WWOX: variants seen among roughly 807,000 people sequenced by gnomAD.
WWOX encodes the protein WW domain-containing oxidoreductase.
WWOX carries 69 observed loss-of-function variants against 46.2 expected under a neutral mutation model. The observed-to-expected ratio is 1.49, with a 90% CI of 1.23 to 1.82. The LOEUF (loss-of-function observed/expected upper bound fraction) is 1.82. WWOX is among the 40% of genes most tolerant of loss of function. The probability of loss-of-function intolerance (pLI) is 0.00; values close to 1 mark genes in which losing one functional copy is unlikely to be tolerated. For missense variants in WWOX, 919 were observed against 542.6 expected (o/e 1.69, Z -6.89); for synonymous variants, 359 against 202.6 (o/e 1.77, Z -6.56).
intron 8 of WWOX, among the ~76,000 whole-genome samples, chr16:78,477,801 A>G (rs2084388160): frequency 6.6e-6 from 1 of 152,188 alleles, no homozygotes; most frequent in African/African-American, 2.4e-5. Flanking sequence ...ATTCAAGTCA[A>G]ACACATTAAA....
chr16:78,859,116 TGAA>T (rs2052656391), intron 8 of WWOX, among the ~76,000 whole-genome samples: 1 of 142,794 alleles, frequency 7.0e-6, no homozygotes, highest in East Asian at 2.1e-4. Context: ...CTATAATCGA[TGAA>T]GTGGCTCCTT....
At chr16:78,889,674 T>G (rs955869928) in intron 8 of WWOX, among the ~76,000 whole-genome samples, 3 of 152,266 alleles carry the variant, frequency 2.0e-5, no homozygotes, top group East Asian at 3.9e-4. Context: ...TGAGAATATT[T>G]GTGAGCAAAC....
At chr16:79,060,422 C>T (rs12103168) in intron 8 of WWOX, among the ~76,000 whole-genome samples, 9,386 of 152,248 alleles carry the variant, frequency 0.062, 534 homozygotes, top group African/African-American at 0.15. Flanking sequence ...CATGGATGCC[C>T]GTGCTTTCTG....
At chr16:78,823,312 G>A (rs994953057) in intron 8 of WWOX, among the ~76,000 whole-genome samples, 1 of 152,206 alleles carries the variant, frequency 6.6e-6, no homozygotes, top group Non-Finnish European at 1.5e-5. Flanking sequence ...GAAGAGAGGA[G>A]TTGATGATCA....
chr16:78,958,385 T>A (rs762385549), intron 8 of WWOX, among the ~76,000 whole-genome samples: 17 of 152,220 alleles, frequency 1.1e-4, no homozygotes, highest in Admixed American at 3.3e-4. Flanking sequence ...CATGGAAATA[T>A]ATACTTACTG....
chr16:78,771,179 T>C (rs990327704), intron 8 of WWOX, among the ~76,000 whole-genome samples: 3 of 152,136 alleles, frequency 2.0e-5, no homozygotes, highest in African/African-American at 7.2e-5. Flanking sequence ...ATTTGGATAG[T>C]CTTGAACACA....
chr16:79,201,908 G>T (rs74038820), intron 8 of WWOX, among the ~76,000 whole-genome samples: 4 of 151,270 alleles, frequency 2.6e-5, no homozygotes, highest in Non-Finnish European at 5.9e-5. Flanking sequence ...GGAAAAAGAA[G>T]AATTTTCATT....
chr16:79,128,257 A>C (rs910648352), intron 8 of WWOX, among the ~76,000 whole-genome samples: 2 of 152,188 alleles, frequency 1.3e-5, no homozygotes, highest in African/African-American at 4.8e-5. Flanking sequence ...CCATTGGAGA[A>C]ATCTTTCCTA....
chr16:78,642,675 C>T (rs986177157), intron 8 of WWOX, among the ~76,000 whole-genome samples: 3 of 152,072 alleles, frequency 2.0e-5, no homozygotes, highest in African/African-American at 7.2e-5. Flanking sequence ...TCTTTGGTGT[C>T]CATGGCAGTT....
intron 8 of WWOX, among the ~76,000 whole-genome samples, chr16:79,120,035 G>C (rs971928401): frequency 6.6e-6 from 1 of 152,154 alleles, no homozygotes; most frequent in African/African-American, 2.4e-5. Flanking sequence ...GCCGTGGCCT[G>C]GGCAGGGAAA....
At chr16:78,967,696 C>G (rs1030037734) in intron 8 of WWOX, among the ~76,000 whole-genome samples, 1 of 151,988 alleles carries the variant, frequency 6.6e-6, no homozygotes. Flanking sequence ...GTGTTAGGTT[C>G]CCACAGGATG....
At chr16:78,839,712 A>G (rs1387781781) in intron 8 of WWOX, among the ~76,000 whole-genome samples, 1 of 152,144 alleles carries the variant, frequency 6.6e-6, no homozygotes, top group African/African-American at 2.4e-5. Context: ...TGGAAAATAC[A>G]TCCCTGGTGA....
At chr16:78,568,898 T>A (rs2151570094) in intron 8 of WWOX, among the ~76,000 whole-genome samples, 1 of 152,362 alleles carries the variant, frequency 6.6e-6, no homozygotes, top group Admixed American at 6.5e-5. Flanking sequence ...TAGATGCATC[T>A]AATAATCCTA....
intron 8 of WWOX, among the ~76,000 whole-genome samples, chr16:78,970,710 T>G (rs781101268): frequency 8.5e-5 from 13 of 152,134 alleles, no homozygotes; most frequent in Non-Finnish European, 1.9e-4. Context: ...GGAGGAGCCA[T>G]GTGTAGAACT....
At chr16:78,909,790 G>A (rs949977248) in intron 8 of WWOX, among the ~76,000 whole-genome samples, 4 of 152,320 alleles carry the variant, frequency 2.6e-5, no homozygotes, top group East Asian at 1.9e-4. Flanking sequence ...AATGTAGAGG[G>A]TCAGGAAAAC....
intron 5 of WWOX, among the ~76,000 whole-genome samples, chr16:78,227,889 A>G (rs1367776061): frequency 6.6e-6 from 1 of 152,048 alleles, no homozygotes; most frequent in East Asian, 1.9e-4. Flanking sequence ...AAACAAACAA[A>G]AAGAAACATA....
At chr16:78,326,511 A>C (rs2151888143) in intron 5 of WWOX, among the ~76,000 whole-genome samples, 1 of 124,948 alleles carries the variant, frequency 8.0e-6, no homozygotes, top group African/African-American at 4.0e-5. Flanking sequence ...CATCACTGTT[A>C]CTTACTGTGT....
At chr16:78,916,967 T>A (rs1271495144) in intron 8 of WWOX, among the ~76,000 whole-genome samples, 1 of 152,164 alleles carries the variant, frequency 6.6e-6, no homozygotes, top group Non-Finnish European at 1.5e-5. Flanking sequence ...TTCCCCTCTT[T>A]TCATCCCTTG....
chr16:78,250,672 G>T (rs575371966), intron 5 of WWOX, among the ~76,000 whole-genome samples: 9 of 152,276 alleles, frequency 5.9e-5, no homozygotes, highest in African/African-American at 2.2e-4. Flanking sequence ...ATAGGGGAGA[G>T]AGTCCAGTGA....
Sources: gnomAD v4.1 joint callset for allele counts (sites outside exome capture counted in the v4.1 genomes callset) on GRCh38, gnomAD v4.1.1 for gene constraint, MANE v1.5 for transcripts, NCBI Gene and HGNC (gene_info 2026-07-23, HGNC 2026-07-21) for gene names.